Variants in SERPINB5 observed in about 807,000 individuals in gnomAD.
SERPINB5 encodes serpin B5.
In SERPINB5, 27 loss-of-function variants were observed where a neutral mutation model predicts 32.2. That is an observed-to-expected ratio of 0.84 (90% CI 0.62 to 1.16). The LOEUF is 1.16. SERPINB5 is among the 50% of genes most tolerant of loss of function. SERPINB5 has a pLI of 0.00. For missense variants in SERPINB5, 388 were observed against 436.3 expected (o/e 0.89, Z 0.99); for synonymous variants, 154 against 157.4 (o/e 0.98, Z 0.16).
intron 3 of SERPINB5, among the ~76,000 whole-genome samples, chr18:63,487,692 C>T (rs774803323): frequency 6.6e-5 from 10 of 152,164 alleles, no homozygotes; most frequent in Admixed American, 1.3e-4. Flanking sequence ...AACACCACTA[C>T]GGTACCCATT....
chr18:63,482,030 G>C (rs552018536), intron 1 of SERPINB5, among the ~76,000 whole-genome samples: 1 of 152,272 alleles, frequency 6.6e-6, no homozygotes, highest in East Asian at 1.9e-4. Context: ...GAAGGAGGAA[G>C]CCCATGGAAA....
chr18:63,488,573 T>C (rs1027408174), intron 3 of SERPINB5, among the ~76,000 whole-genome samples: 1 of 152,176 alleles, frequency 6.6e-6, no homozygotes, highest in Non-Finnish European at 1.5e-5. Context: ...AAGTGTGCTC[T>C]GTGGAGGATC....
intron 3 of SERPINB5, among the ~76,000 whole-genome samples, chr18:63,488,579 G>A (rs1192861693): frequency 6.6e-6 from 1 of 152,100 alleles, no homozygotes; most frequent in East Asian, 1.9e-4. Flanking sequence ...GCTCTGTGGA[G>A]GATCTCTTGC....
intron 1 of SERPINB5, among the ~76,000 whole-genome samples, chr18:63,484,161 A>G (rs1420812425): frequency 2.6e-5 from 4 of 152,202 alleles, no homozygotes; most frequent in Non-Finnish European, 5.9e-5. Flanking sequence ...TGGGCTCCCG[A>G]CAATGGCCAC....
chr18:63,477,810 C>G (rs1917059288), intron 1 of SERPINB5, among the ~76,000 whole-genome samples: 1 of 152,178 alleles, frequency 6.6e-6, no homozygotes, highest in Non-Finnish European at 1.5e-5. Flanking sequence ...AGACTTGTAA[C>G]CAGATCCTCA....
At chr18:63,485,981 G>T (rs975556603) in intron 2 of SERPINB5, 1 of 151,256 alleles carries the variant, frequency 6.6e-6, no homozygotes, top group Non-Finnish European at 1.5e-5. Flanking sequence ...AGGCAGAAAA[G>T]ATGCTGGACT....
intron 3 of SERPINB5, 82 bp from the exon 4 acceptor site, chr18:63,489,265 T>C: frequency 1.3e-6 from 1 of 778,536 alleles, no homozygotes; most frequent in Non-Finnish European, 2.1e-6. Flanking sequence ...CAGTTGATAT[T>C]TAATAATCCT....
chr18:63,497,336 C>G (rs748988822), intron 5 of SERPINB5: 96 of 1,298,862 alleles, frequency 7.4e-5, no homozygotes, highest in Non-Finnish European at 3.5e-5. Context: ...CTGGGCTTTG[C>G]CCTGTCTGAG....
chr18:63,488,656 T>C (rs574039458), intron 3 of SERPINB5, among the ~76,000 whole-genome samples: 21 of 152,292 alleles, frequency 1.4e-4, no homozygotes, highest in Admixed American at 1.2e-3. Context: ...GTAGTTCTGA[T>C]TGAACCCAGG....
chr18:63,493,169 A>G, intron 5 of SERPINB5, 74 bp downstream of exon 5: 1 of 1,596,970 alleles, frequency 6.3e-7, no homozygotes. Flanking sequence ...AGAGTGGGGC[A>G]TAAATCCATT....
Position 63,503,817 on chromosome 18 carries a change from A to G in SERPINB5, c.*95A>G. 7.7e-7 allele frequency: 1 copy of G among 1,303,682 alleles called. No individual in the cohort carries two copies. The highest frequency in any genetic ancestry group is 1.1e-6 in the Non-Finnish European group (1 of 926,850). 80.8% of individuals were successfully genotyped at this position (1,303,682 alleles called of 1,614,324 possible). On this transcript the variant is annotated 3_prime_UTR_variant, in exon 7 of 7. Transcript: ENST00000382771. ...GAGATTCATTTTCTAGATACAATAA[A>G]TTGCTAATGTTGCTGGATCAGGAAG...
intron 4 of SERPINB5, 128 bp from the exon 5 acceptor site, chr18:63,492,825 T>C: frequency 8.6e-7 from 1 of 1,168,116 alleles, no homozygotes; most frequent in Non-Finnish European, 1.2e-6. Flanking sequence ...AATTTGATGG[T>C]TGGAACCATC....
At chr18:63,480,710 C>G (rs1355496037) in intron 1 of SERPINB5, among the ~76,000 whole-genome samples, 1 of 152,192 alleles carries the variant, frequency 6.6e-6, no homozygotes, top group Non-Finnish European at 1.5e-5. Flanking sequence ...CAGACCAGAT[C>G]AACTTTATAG....
At chr18:63,499,017 A>C in intron 5 of SERPINB5, 103 bp from the exon 6 acceptor site, 15 of 475,078 alleles carry the variant, frequency 3.2e-5, no homozygotes, top group South Asian at 6.9e-5. Flanking sequence ...ACATGTGGGT[A>C]TATATGTGTG....
intron 3 of SERPINB5, 33 bp downstream of exon 3, chr18:63,487,116 CT>C: frequency 2.5e-6 from 4 of 1,602,722 alleles, no homozygotes; most frequent in Non-Finnish European, 3.4e-6. Flanking sequence ...CAAGACTTAA[CT>C]TTTTACAAGG....
rs984890058 is a variant in SERPINB5, at chr18:63,503,203, A to T, written c.736-127A>T. The T allele has an allele frequency of 2.2e-5, 23 of 1,062,716 alleles. No individual in the cohort carries two copies. In the East Asian group the frequency reaches 2.3e-4, roughly 11 times the overall value. The allele number at this position is 1,062,716 out of a possible 1,614,324, so 65.8% of individuals were successfully genotyped here. A position where few individuals can be genotyped will look rare whatever the true frequency, so the allele number is the denominator to read the frequency against. ...GTCACATACCAAAAACTTCTGGGCC[A>T]TCTTTGATGTTCCACCCAGACTGCT... On this transcript the variant is annotated intron_variant, in intron 6 of 6. Coordinates refer to ENST00000382771, the MANE Select transcript of SERPINB5 (RefSeq NM_002639.5).
At chr18:63,500,838 C>T (rs1295202716) in intron 6 of SERPINB5, among the ~76,000 whole-genome samples, 2 of 152,142 alleles carry the variant, frequency 1.3e-5, no homozygotes, top group Non-Finnish European at 2.9e-5. Context: ...TATGTTTTAG[C>T]CACCACTTTA....
rs1298968179 is a variant in SERPINB5 at position 63,492,949 on chromosome 18, G to T, written c.425-4G>T. ...CTACTTGTGTTTTCCTAAAATTGTT[G>T]CAGGCCACTTTGAGAACATTTTAGC... On this transcript the variant is annotated splice_region_variant and splice_polypyrimidine_tract_variant and intron_variant, in intron 4 of 6. Transcript: ENST00000382771. 1 of 1,605,360 alleles carries T rather than the reference G, an allele frequency of 6.2e-7. No individual in the cohort carries two copies. The highest frequency in any genetic ancestry group is 8.5e-7 in the Non-Finnish European group (1 of 1,175,200).
intron 2 of SERPINB5, chr18:63,486,108 T>A (rs1453285596): frequency 6.6e-6 from 1 of 152,242 alleles, no homozygotes; most frequent in Non-Finnish European, 1.5e-5. Flanking sequence ...ATTAACAGTT[T>A]GAATCCATAT....
Sources: allele counts gnomAD v4.1 joint callset (sites outside exome capture counted in the v4.1 genomes callset), GRCh38; gene constraint gnomAD v4.1.1; transcripts MANE v1.5; gene names NCBI Gene and HGNC (gene_info 2026-07-23, HGNC 2026-07-21).